GRM8: variants seen among roughly 807,000 people sequenced by gnomAD.
GRM8 encodes metabotropic glutamate receptor 8.
Under a neutral mutation model 87.2 loss-of-function variants are expected in GRM8, and 47 were observed. The ratio of observed to expected loss-of-function variants is 0.54; its 90% CI spans 0.43 to 0.69. The LOEUF (loss-of-function observed/expected upper bound fraction) is 0.69. Ranked by LOEUF, GRM8 falls within the 30% of genes least tolerant of loss-of-function variation. GRM8 has a pLI of 0.00. For synonymous variants in GRM8, 396 were observed against 404.5 expected (o/e 0.98, Z 0.25); for missense variants, 1,019 against 1,139.2 (o/e 0.89, Z 1.52).
At chr7:126,704,757 C>A (rs1025294301) in intron 7 of GRM8, among the ~76,000 whole-genome samples, 3 of 152,048 alleles carry the variant, frequency 2.0e-5, no homozygotes, top group African/African-American at 7.2e-5. Context: ...AAATTCCCGC[C>A]CAATAAATTT....
At chr7:126,679,266 A>G (rs1807295703) in intron 7 of GRM8, among the ~76,000 whole-genome samples, 1 of 152,248 alleles carries the variant, frequency 6.6e-6, no homozygotes, top group South Asian at 2.1e-4. Context: ...CATCAAATGT[A>G]CATACTGCAG....
chr7:126,889,252 A>C (rs545905136), intron 6 of GRM8, among the ~76,000 whole-genome samples: 153 of 152,278 alleles, frequency 1.0e-3, no homozygotes, highest in African/African-American at 3.6e-3. Flanking sequence ...ATAAGCATTT[A>C]TCAAAATTTC....
chr7:127,172,534 A>G (rs1016670728), intron 2 of GRM8, among the ~76,000 whole-genome samples: 4 of 151,890 alleles, frequency 2.6e-5, no homozygotes, highest in Non-Finnish European at 5.9e-5. Flanking sequence ...ATGAAACCCC[A>G]TCTGTACTAA....
chr7:127,042,408 G>T (rs949607274), intron 3 of GRM8, among the ~76,000 whole-genome samples: 2 of 152,184 alleles, frequency 1.3e-5, no homozygotes, highest in Non-Finnish European at 2.9e-5. Flanking sequence ...AAGATGAAGT[G>T]GGGAGGTGCA....
At chr7:127,029,132 G>T (rs568030708) in intron 3 of GRM8, among the ~76,000 whole-genome samples, 1 of 152,150 alleles carries the variant, frequency 6.6e-6, no homozygotes, top group Non-Finnish European at 1.5e-5. Context: ...CAGTTTCCAT[G>T]TATCTGTGTG....
intron 9 of GRM8, among the ~76,000 whole-genome samples, chr7:126,461,240 C>A (rs924442966): frequency 6.6e-6 from 1 of 151,510 alleles, no homozygotes; most frequent in Non-Finnish European, 1.5e-5. Flanking sequence ...CAAAGTGATG[C>A]AGCTCAGACA....
intron 3 of GRM8, among the ~76,000 whole-genome samples, chr7:127,056,500 G>T (rs1820001447): frequency 6.6e-6 from 1 of 152,200 alleles, no homozygotes; most frequent in Admixed American, 6.5e-5. Context: ...TGTCTTAAAA[G>T]TGTCAATAAT....
At chr7:126,443,528 G>T (rs187467024) in intron 10 of GRM8, among the ~76,000 whole-genome samples, 1 of 151,972 alleles carries the variant, frequency 6.6e-6, no homozygotes, top group Non-Finnish European at 1.5e-5. Flanking sequence ...TCTCCTGAAT[G>T]AGTACACTGT....
intron 7 of GRM8, among the ~76,000 whole-genome samples, chr7:126,642,565 G>A (rs989695215): frequency 6.6e-6 from 1 of 151,982 alleles, no homozygotes; most frequent in Admixed American, 6.6e-5. Context: ...GTGTGAACCT[G>A]GGAGGCAGAT....
At chr7:127,024,584 G>A (rs1816592242) in intron 3 of GRM8, among the ~76,000 whole-genome samples, 1 of 151,978 alleles carries the variant, frequency 6.6e-6, no homozygotes, top group African/African-American at 2.4e-5. Context: ...TCTCTTTGCT[G>A]ACTGAAACCC....
At chr7:126,668,884 T>C (rs1190228108) in intron 7 of GRM8, among the ~76,000 whole-genome samples, 2 of 152,202 alleles carry the variant, frequency 1.3e-5, no homozygotes, top group Non-Finnish European at 2.9e-5. Context: ...TAATTATTAT[T>C]GATGGACATT....
chr7:126,973,332 C>T (rs1043160295), intron 3 of GRM8, among the ~76,000 whole-genome samples: 2 of 152,162 alleles, frequency 1.3e-5, no homozygotes, highest in African/African-American at 4.8e-5. Flanking sequence ...GGAGTGAAAC[C>T]CACCTGGGCT....
At chr7:126,486,492 G>C (rs185487555) in intron 9 of GRM8, among the ~76,000 whole-genome samples, 2 of 151,876 alleles carry the variant, frequency 1.3e-5, no homozygotes, top group South Asian at 4.1e-4. Flanking sequence ...TTCTGGTTTC[G>C]CCTGAAGGTT....
intron 9 of GRM8, among the ~76,000 whole-genome samples, chr7:126,478,201 A>G (rs907891390): frequency 1.3e-5 from 2 of 152,148 alleles, no homozygotes; most frequent in Admixed American, 1.3e-4. Flanking sequence ...ACACACAACA[A>G]TTATTAATCT....
At chr7:126,553,689 T>C (rs1443797326) in intron 8 of GRM8, among the ~76,000 whole-genome samples, 1 of 152,186 alleles carries the variant, frequency 6.6e-6, no homozygotes, top group African/African-American at 2.4e-5. Flanking sequence ...ACTCAGATAT[T>C]GAATGCTTAG....
intron 6 of GRM8, among the ~76,000 whole-genome samples, chr7:126,823,272 TG>T (rs1052909834): frequency 6.6e-6 from 1 of 152,216 alleles, no homozygotes; most frequent in African/African-American, 2.4e-5. Context: ...TGTAATTGTA[TG>T]GGTAAAATTT....
At chr7:127,012,229 C>A (rs1814966272) in intron 3 of GRM8, among the ~76,000 whole-genome samples, 1 of 152,096 alleles carries the variant, frequency 6.6e-6, no homozygotes, top group Admixed American at 6.6e-5. Context: ...TCCAATAACC[C>A]AGGCCTAGGT....
intron 6 of GRM8, among the ~76,000 whole-genome samples, chr7:126,891,805 G>A (rs999417903): frequency 4.6e-5 from 7 of 151,844 alleles, no homozygotes; most frequent in African/African-American, 1.7e-4. Flanking sequence ...AGCCCCATGA[G>A]GACAATAACC....
At chr7:126,480,618 CA>C (rs1217475569) in intron 9 of GRM8, among the ~76,000 whole-genome samples, 2 of 151,908 alleles carry the variant, frequency 1.3e-5, no homozygotes, top group East Asian at 3.9e-4. Flanking sequence ...AAGGTACAAT[CA>C]AGAAAACAGG....
Sources: gnomAD v4.1 joint callset for allele counts (sites outside exome capture counted in the v4.1 genomes callset) on GRCh38, gnomAD v4.1.1 for gene constraint, MANE v1.5 for transcripts, NCBI Gene and HGNC (gene_info 2026-07-23, HGNC 2026-07-21) for gene names.